FAM222B: variants seen among roughly 807,000 people sequenced by gnomAD.
FAM222B encodes the protein family with sequence similarity 222 member B.
A neutral mutation model predicts 38.0 loss-of-function variants in FAM222B; 12 were observed. The ratio of observed to expected loss-of-function variants is 0.32; its 90% CI spans 0.20 to 0.51. The LOEUF (loss-of-function observed/expected upper bound fraction) is 0.51. Among genes scored for constraint, FAM222B ranks in the 20% least tolerant of loss-of-function variants. FAM222B has a pLI of 0.97. For missense variants in FAM222B, 716 were observed against 754.2 expected (o/e 0.95, Z 0.59); for synonymous variants, 329 against 317.2 (o/e 1.04, Z -0.40).
chr17:28,827,705 A>C (rs879916918), intron 1 of FAM222B, among the ~76,000 whole-genome samples: 1 of 152,198 alleles, frequency 6.6e-6, no homozygotes, highest in Non-Finnish European at 1.5e-5. Context: ...ATTTTGGAAG[A>C]AATGTCCTTG....
chr17:28,845,450 G>A (rs1295337918), upstream of FAM222B, among the ~76,000 whole-genome samples: 3 of 151,344 alleles, frequency 2.0e-5, no homozygotes, highest in Non-Finnish European at 2.9e-5. Flanking sequence ...GTGGTGGTGG[G>A]CGCCTGTAGT....
At chr17:28,841,868 G>C (rs1310167522) in intron 1 of FAM222B, among the ~76,000 whole-genome samples, 2 of 152,136 alleles carry the variant, frequency 1.3e-5, no homozygotes, top group Non-Finnish European at 2.9e-5. Flanking sequence ...TTACAGAACT[G>C]GTAGTTCTGC....
At chr17:28,845,756 A>T (rs1267704608), upstream of FAM222B, among the ~76,000 whole-genome samples, 1 of 148,526 alleles carries the variant, frequency 6.7e-6, no homozygotes, top group African/African-American at 2.5e-5. Context: ...TTAGCCGGGC[A>T]TGGTGGCGGG....
chr17:28,846,077 C>A (rs1318668506), upstream of FAM222B, among the ~76,000 whole-genome samples: 1 of 151,768 alleles, frequency 6.6e-6, no homozygotes, highest in Admixed American at 6.6e-5. Flanking sequence ...GTGGCGGGCG[C>A]CTGTAGTCCC....
chr17:28,815,146 C>T (rs1385343520), intron 1 of FAM222B, among the ~76,000 whole-genome samples: 1 of 151,916 alleles, frequency 6.6e-6, no homozygotes. Context: ...TACACCAATC[C>T]GTCAACAGTA....
intron 1 of FAM222B, among the ~76,000 whole-genome samples, chr17:28,778,675 T>TGTGTG (rs2036008626): frequency 1.1e-5 from 1 of 89,520 alleles, no homozygotes; most frequent in South Asian, 4.7e-4. Context: ...AGCTAATTTT[T>TGTGTG]TTTTTGTGTG....
rs571045731 is a variant in FAM222B at position 28,813,702 on chromosome 17, AT to A, written c.-41+28979del. Among the ~76,000 whole-genome samples, 1,078 of 135,196 alleles carry A rather than the reference AT, an allele frequency of 8.0e-3. 21 individuals carry two copies. Among genetic ancestry groups the A allele is most frequent in the East Asian group, 0.061 (285 of 4,686 alleles). 88.7% of individuals were successfully genotyped at this position (135,196 alleles called of 152,430 possible). A position where few individuals can be genotyped will look rare whatever the true frequency, so the allele number is the denominator to read the frequency against. On this transcript the variant is annotated intron_variant, in intron 1 of 2. Transcript: ENST00000581407. ...AGGTGGCCGCCATCACGCCCAGCTA[AT>A]TTTTTTTTTTTTTTTGTATTTTTTA...
intron 1 of FAM222B, among the ~76,000 whole-genome samples, chr17:28,786,994 C>T (rs539966658): frequency 3.3e-5 from 5 of 150,652 alleles, no homozygotes; most frequent in East Asian, 3.9e-4. Context: ...GTGCGATCTC[C>T]GCTCACGGCA....
At chr17:28,811,048 CAA>C (rs2037736070) in intron 1 of FAM222B, among the ~76,000 whole-genome samples, 2 of 147,296 alleles carry the variant, frequency 1.4e-5, no homozygotes, top group South Asian at 4.5e-4. Flanking sequence ...TAATATTTAT[CAA>C]AGTGTTGCCA....
At chr17:28,826,115 G>A (rs1259372925) in intron 1 of FAM222B, among the ~76,000 whole-genome samples, 1 of 150,958 alleles carries the variant, frequency 6.6e-6, no homozygotes, top group African/African-American at 2.4e-5. Flanking sequence ...TGTAGCCCAG[G>A]CTGGAGTGCA....
At chr17:28,793,767 C>CA (rs1220738230) in intron 1 of FAM222B, among the ~76,000 whole-genome samples, 2 of 135,884 alleles carry the variant, frequency 1.5e-5, no homozygotes, top group East Asian at 4.3e-4. Flanking sequence ...TTTTTTGAGA[C>CA]AGAGTTTCAC....
At chr17:28,789,798 G>A (rs1006659852) in intron 1 of FAM222B, among the ~76,000 whole-genome samples, 14 of 152,214 alleles carry the variant, frequency 9.2e-5, no homozygotes, top group Non-Finnish European at 1.9e-4. Flanking sequence ...AGGAAAGGAA[G>A]TGCTCAAAGA....
intron 1 of FAM222B, 25 bp from the exon 2 acceptor site, chr17:28,766,732 T>C (rs923403264): frequency 9.0e-6 from 12 of 1,340,650 alleles, no homozygotes; most frequent in African/African-American, 1.5e-5. Context: ...AACAAGGTCA[T>C]GAAACACAAG....
At chr17:28,781,562 G>T (rs1205993178) in intron 1 of FAM222B, among the ~76,000 whole-genome samples, 1 of 152,128 alleles carries the variant, frequency 6.6e-6, no homozygotes, top group Admixed American at 6.6e-5. Context: ...AAATCAGCAT[G>T]TTGAAAAGAT....
chr17:28,816,176 C>T (rs2038015874), intron 1 of FAM222B, among the ~76,000 whole-genome samples: 1 of 151,590 alleles, frequency 6.6e-6, no homozygotes, highest in Non-Finnish European at 1.5e-5. Context: ...ACTCGGGAGG[C>T]TGGGACAGGA....
intron 1 of FAM222B, among the ~76,000 whole-genome samples, chr17:28,796,590 T>C (rs2036948673): frequency 6.6e-6 from 1 of 152,172 alleles, no homozygotes; most frequent in Non-Finnish European, 1.5e-5. Flanking sequence ...TGTGTAGTAG[T>C]AAGAAGAGAC....
At chr17:28,803,194 G>A (rs374417314) in intron 1 of FAM222B, among the ~76,000 whole-genome samples, 2 of 152,148 alleles carry the variant, frequency 1.3e-5, no homozygotes, top group African/African-American at 4.8e-5. Context: ...TTTTAGTAGA[G>A]ACAGTGTTTC....
intron 1 of FAM222B, among the ~76,000 whole-genome samples, chr17:28,830,278 C>T (rs2038620136): frequency 6.6e-6 from 1 of 151,684 alleles, no homozygotes; most frequent in Non-Finnish European, 1.5e-5. Flanking sequence ...TCTCCTACCT[C>T]GGCCTCCCAA....
At chr17:28,853,913 C>T (rs1017568730) in intron 1 of FAM222B, among the ~76,000 whole-genome samples, 2 of 151,740 alleles carry the variant, frequency 1.3e-5, no homozygotes, top group Admixed American at 6.6e-5. Flanking sequence ...TTCCTCAACA[C>T]CCCCTCTACC....
Sources: gnomAD v4.1 joint callset for allele counts (sites outside exome capture counted in the v4.1 genomes callset) on GRCh38, gnomAD v4.1.1 for gene constraint, MANE v1.5 for transcripts, NCBI Gene and HGNC (gene_info 2026-07-23, HGNC 2026-07-21) for gene names.